Variants in KCNQ4 observed in about 807,000 individuals in gnomAD.
KCNQ4 encodes the protein potassium voltage-gated channel subfamily KQT member 4.
In KCNQ4, 31 loss-of-function variants were observed where a neutral mutation model predicts 72.6. That is an observed-to-expected ratio of 0.43 (90% CI 0.32 to 0.58). The LOEUF (loss-of-function observed/expected upper bound fraction) is 0.58. KCNQ4 is among the 20% of genes least tolerant of loss of function. The pLI, the probability that KCNQ4 is intolerant of heterozygous loss-of-function variation, is 0.08. For synonymous variants in KCNQ4, 405 were observed against 403.7 expected (o/e 1.00, Z -0.04); for missense variants, 869 against 962.6 (o/e 0.90, Z 1.29).
intron 12 of KCNQ4, among the ~76,000 whole-genome samples, chr1:40,835,683 T>C (rs76339724): frequency 8.5e-5 from 13 of 152,366 alleles, no homozygotes; most frequent in Admixed American, 2.6e-4. Flanking sequence ...CCCACACTTA[T>C]GGAGCTTTCA....
intron 4 of KCNQ4, 85 bp downstream of exon 4, chr1:40,818,765 A>AG: frequency 7.0e-7 from 1 of 1,429,746 alleles, no homozygotes; most frequent in East Asian, 2.5e-5. Context: ...GCGAGGTCAG[A>AG]GGGGCTGTCT....
intron 1 of KCNQ4, among the ~76,000 whole-genome samples, chr1:40,815,213 C>A (rs1164084177): frequency 1.4e-5 from 2 of 148,098 alleles, no homozygotes; most frequent in Non-Finnish European, 3.0e-5. Flanking sequence ...GCACTTCAGC[C>A]TGGTAACAGG....
rs569022862 is a variant in KCNQ4 at position 40,794,289 on chromosome 1, A to T, written c.314+9882A>T. 7.9e-4 allele frequency among the ~76,000 whole-genome samples: 121 copies of T among 152,330 alleles called. No individual in the cohort carries two copies. The highest frequency in any genetic ancestry group is 2.8e-3 in the African/African-American group (115 of 41,586). On this transcript the variant is annotated intron_variant, in intron 1 of 13. Transcript: ENST00000347132. The surrounding 1 kb of genome is among the most constrained non-coding windows in gnomAD (Gnocchi z 4.2). ...CTTACCCTGTGGGCAGTGGGGAGCCATACACGGTGACAGGCCAGGGTGGGG... is the reference window on the plus strand; with the variant it reads ...CTTACCCTGTGGGCAGTGGGGAGCCTTACACGGTGACAGGCCAGGGTGGGG...
chr1:40,820,503 TGCCCAACTCCA>T (rs1183323170), intron 7 of KCNQ4, among the ~76,000 whole-genome samples: 7 of 152,172 alleles, frequency 4.6e-5, no homozygotes, highest in Non-Finnish European at 7.3e-5. Context: ...ACTGCCCTAT[TGCCCAACTCCA>T]GCCCAACTTC....
At chr1:40,818,053 C>G in intron 2 of KCNQ4, 111 bp from the exon 3 acceptor site, 1 of 1,428,132 alleles carries the variant, frequency 7.0e-7, no homozygotes, top group African/African-American at 1.4e-5. Flanking sequence ...GGAGAGGGGT[C>G]CGAGGAGGCC....
intron 1 of KCNQ4, among the ~76,000 whole-genome samples, chr1:40,808,546 A>G (rs1289635133): frequency 6.6e-6 from 1 of 151,134 alleles, no homozygotes; most frequent in African/African-American, 2.4e-5. Context: ...CCTCCTGCCC[A>G]CTTCTGAGAG....
In KCNQ4 at chr1:40,784,253, C is replaced by G. The variant is rs1647181735; in HGVS notation, c.160C>G (p.Pro54Ala). 1 of 1,385,902 alleles carries G rather than the reference C, an allele frequency of 7.2e-7. No homozygotes were observed. The allele number at this position is 1,385,902 out of a possible 1,614,324, so 85.9% of individuals were successfully genotyped here. ...CGGCCTCCTGGGCAGCCCCCTGCCGCCGGGCGCGCCCCTCCCTGGGCCGGG... is the reference window on the plus strand; with the variant it reads ...CGGCCTCCTGGGCAGCCCCCTGCCGGCGGGCGCGCCCCTCCCTGGGCCGGG... Reference protein sequence around the residue: ...RLGLLGSPLPPGAPLPGPGSG... With the variant: ...RLGLLGSPLPAGAPLPGPGSG... The change falls in exon 1 of 14, where the codon CCG becomes GCG. Residue 54 changes from proline to alanine, a missense_variant. Pro to Ala is a conservative substitution (Grantham distance 27). This residue lies in a region of KCNQ4 where 178 missense variants were observed against 145.3 expected (regional missense o/e 1.22). Coordinates refer to ENST00000347132, the MANE Select transcript of KCNQ4 (RefSeq NM_004700.4). This position sits in a 1 kb window ranked among gnomAD's most constrained non-coding sequence, Gnocchi z 4.1.
intron 1 of KCNQ4, among the ~76,000 whole-genome samples, chr1:40,810,340 C>T (rs902759389): frequency 3.3e-5 from 5 of 152,198 alleles, no homozygotes; most frequent in African/African-American, 7.2e-5. Context: ...TTTGGTTGTG[C>T]GGAAGGCTTC....
At chr1:40,790,835 C>T (rs115024725) in intron 1 of KCNQ4, among the ~76,000 whole-genome samples, 2,681 of 152,154 alleles carry the variant, frequency 0.018, 109 homozygotes, top group African/African-American at 0.062. Context: ...CTGCCGGGAC[C>T]ACTGGCCTCA....
At chr1:40,808,505 C>T (rs896779022) in intron 1 of KCNQ4, among the ~76,000 whole-genome samples, 5 of 152,062 alleles carry the variant, frequency 3.3e-5, no homozygotes, top group Non-Finnish European at 7.4e-5. Flanking sequence ...AGCTCCATAC[C>T]TCCTCCATCT....
In KCNQ4 at chr1:40,793,626, C is replaced by T. The variant is rs1018442291; in HGVS notation, c.314+9219C>T. ...CTCAATCCATGTGACAGTGACTCCCCGATCCCCAGTGCCCAAGTCAGAAAT... is the reference window on the plus strand; with the variant it reads ...CTCAATCCATGTGACAGTGACTCCCTGATCCCCAGTGCCCAAGTCAGAAAT... On this transcript the variant is annotated intron_variant, in intron 1 of 13. Transcript: ENST00000347132. Among the ~76,000 whole-genome samples, 8 of 152,164 alleles carry T rather than the reference C, an allele frequency of 5.3e-5. 1 individual carries two copies. Among genetic ancestry groups the T allele is most frequent in the South Asian group, 4.1e-4 (2 of 4,834 alleles).
intron 1 of KCNQ4, among the ~76,000 whole-genome samples, chr1:40,786,061 G>A (rs776594191): frequency 9.9e-5 from 15 of 152,166 alleles, no homozygotes; most frequent in African/African-American, 3.1e-4. Flanking sequence ...AAAGAGGCCC[G>A]TTGGAGTGAG....
At chr1:40,791,630 G>A (rs1570800357) in intron 1 of KCNQ4, among the ~76,000 whole-genome samples, 1 of 152,138 alleles carries the variant, frequency 6.6e-6, no homozygotes, top group Non-Finnish European at 1.5e-5. Flanking sequence ...GGAGCTCAGC[G>A]ATTCCCTCCC....
chr1:40,799,155 TC>T (rs1647500736), intron 1 of KCNQ4, among the ~76,000 whole-genome samples: 2 of 152,234 alleles, frequency 1.3e-5, no homozygotes, highest in Non-Finnish European at 2.9e-5. Context: ...CTTGGGGCCT[TC>T]CCCTGTCCTG....
chr1:40,790,315 C>A (rs1441987699), intron 1 of KCNQ4, among the ~76,000 whole-genome samples: 2 of 152,322 alleles, frequency 1.3e-5, no homozygotes, highest in Non-Finnish European at 2.9e-5. Context: ...TAGCCATGAT[C>A]ATCGTTACTG....
intron 1 of KCNQ4, among the ~76,000 whole-genome samples, chr1:40,812,264 T>A (rs1048462239): frequency 6.6e-6 from 1 of 152,162 alleles, no homozygotes; most frequent in African/African-American, 2.4e-5. Context: ...CAGGATCTTT[T>A]CTTTTTTTGA....
intron 10 of KCNQ4, among the ~76,000 whole-genome samples, chr1:40,832,438 C>T (rs1461700306): frequency 6.6e-6 from 1 of 152,160 alleles, no homozygotes; most frequent in Non-Finnish European, 1.5e-5. Flanking sequence ...GGAAGCTGTC[C>T]GGGCTCTTGC....
chr1:40,798,869 G>GT lies in KCNQ4; in HGVS notation c.314+14468dup, dbSNP rs1458933412. 4.6e-5 allele frequency among the ~76,000 whole-genome samples: 7 copies of GT among 152,382 alleles called. No homozygotes were observed. The East Asian group carries it at 1.3e-3, about 29-fold the overall frequency. On this transcript the variant is annotated intron_variant, in intron 1 of 13. Transcript: ENST00000347132. The stretch of plus-strand genomic sequence containing the variant: ...TGCCACTTGCCCTCCTGCATCAAGG[G>GT]TTTTTTCTCCTTGGCCTGGCTGCCT...
At chr1:40,814,488 G>A (rs933799516) in intron 1 of KCNQ4, among the ~76,000 whole-genome samples, 2 of 152,134 alleles carry the variant, frequency 1.3e-5, no homozygotes, top group African/African-American at 4.8e-5. Context: ...AGGATCACTT[G>A]AGCCCAGGAG....
Sources: gnomAD v4.1 joint callset for allele counts (sites outside exome capture counted in the v4.1 genomes callset) on GRCh38, gnomAD v4.1.1 for gene constraint, gnomAD v4.1.1 regional missense constraint, Gnocchi (gnomAD v3.1) non-coding constraint, MANE v1.5 for transcripts, NCBI Gene and HGNC (gene_info 2026-07-23, HGNC 2026-07-21) for gene names.